Variants in SHANK2 observed in about 807,000 individuals in gnomAD.
The protein encoded by SHANK2 is SH3 and multiple ankyrin repeat domains 2, also known as SH3 and multiple ankyrin repeat domains protein 2.
In SHANK2, 43 loss-of-function variants were observed where a neutral mutation model predicts 133.7. The observed-to-expected ratio is 0.32, with a 90% CI of 0.25 to 0.41. SHANK2 has a LOEUF of 0.41. Among genes scored for constraint, SHANK2 ranks in the 10% least tolerant of loss-of-function variants. The pLI is 1.00. For missense variants in SHANK2, 1,994 were observed against 2,235.8 expected (o/e 0.89, Z 2.18); for synonymous variants, 1,017 against 952.8 (o/e 1.07, Z -1.24).
chr11:70,751,964 C>T (rs541096742), intron 14 of SHANK2, among the ~76,000 whole-genome samples: 3 of 151,636 alleles, frequency 2.0e-5, no homozygotes, highest in East Asian at 1.9e-4. Context: ...TAGAGAATAA[C>T]GTGCAAAGGA....
chr11:71,197,827 C>T (rs534452695), intron 2 of SHANK2, among the ~76,000 whole-genome samples: 2 of 152,236 alleles, frequency 1.3e-5, no homozygotes, highest in East Asian at 1.9e-4. Context: ...GTTGATTAAC[C>T]GAAAGGCCAT....
At position 70,721,075 on chromosome 11, in the gene SHANK2, C is replaced by T. The variant is rs559049480; in HGVS notation, c.1778-22312G>A. Among the ~76,000 whole-genome samples, 17 of 152,342 alleles carry T rather than the reference C, an allele frequency of 1.1e-4. 1 individual carries two copies. In the South Asian group the frequency reaches 2.5e-3, roughly 22 times the overall value. On this transcript the variant is annotated intron_variant, in intron 14 of 25. Coordinates refer to ENST00000601538, the MANE Select transcript of SHANK2 (RefSeq NM_012309.5). The stretch of plus-strand genomic sequence containing the variant: ...GCCTGAGGTGAGATCCCTGACTGAC[C>T]GGCAGTCCGGGCACCTTCTCTCTGT...
At chr11:71,178,203 G>A (rs1461426931) in intron 2 of SHANK2, among the ~76,000 whole-genome samples, 3 of 152,226 alleles carry the variant, frequency 2.0e-5, no homozygotes, top group Admixed American at 6.5e-5. Flanking sequence ...ACTGATGAAT[G>A]AATAAATAGA....
intron 17 of SHANK2, among the ~76,000 whole-genome samples, chr11:70,582,499 C>T (rs2136228897): frequency 6.6e-6 from 1 of 152,342 alleles, no homozygotes; most frequent in South Asian, 2.1e-4. Flanking sequence ...ATAGAGGCGG[C>T]AGGCAGCAGA....
At chr11:70,923,010 T>C (rs1950372429) in intron 10 of SHANK2, among the ~76,000 whole-genome samples, 1 of 152,160 alleles carries the variant, frequency 6.6e-6, no homozygotes, top group African/African-American at 2.4e-5. Context: ...TTAAAGTACC[T>C]ATTATATTAC....
chr11:70,898,823 G>A (rs970104569), intron 10 of SHANK2, among the ~76,000 whole-genome samples: 5 of 152,150 alleles, frequency 3.3e-5, no homozygotes, highest in East Asian at 3.8e-4. Flanking sequence ...GCAACAAAAC[G>A]AACACTGAGG....
At chr11:71,149,073 G>A (rs150773154) in intron 2 of SHANK2, among the ~76,000 whole-genome samples, 3,122 of 152,272 alleles carry the variant, frequency 0.021, 60 homozygotes, top group Middle Eastern at 0.037. Flanking sequence ...GATGTTTGCC[G>A]TATTATTCTC....
chr11:70,664,293 G>A (rs933137849), intron 15 of SHANK2, among the ~76,000 whole-genome samples: 1 of 152,076 alleles, frequency 6.6e-6, no homozygotes, highest in Admixed American at 6.5e-5. Flanking sequence ...AGCCCACCCC[G>A]GCCCCATGGC....
At chr11:71,203,276 C>T (rs1954058054) in intron 2 of SHANK2, among the ~76,000 whole-genome samples, 1 of 152,198 alleles carries the variant, frequency 6.6e-6, no homozygotes, top group Non-Finnish European at 1.5e-5. Flanking sequence ...ACAAGTCAAT[C>T]TCCCACATGC....
chr11:70,711,634 G>A (rs1196225257), intron 14 of SHANK2, among the ~76,000 whole-genome samples: 1 of 152,004 alleles, frequency 6.6e-6, no homozygotes, highest in Non-Finnish European at 1.5e-5. Flanking sequence ...CCCAGTCTCT[G>A]CTCTGGCAAG....
intron 15 of SHANK2, among the ~76,000 whole-genome samples, chr11:70,690,058 A>C (rs1367214620): frequency 1.3e-5 from 2 of 152,182 alleles, no homozygotes; most frequent in Non-Finnish European, 2.9e-5. Flanking sequence ...CTGACAGAAT[A>C]AGGGCAAAGA....
rs559197512 is a variant in SHANK2, at chr11:70,650,616, C to T, written c.2061+9212G>A. On this transcript the variant is annotated intron_variant, in intron 17 of 25. Coordinates refer to ENST00000601538, the MANE Select transcript of SHANK2 (RefSeq NM_012309.5). ...CAACCCAGGCCCCCACTAGACCAGC[C>T]GGTCATGCCCAGCTTCATAGCATCT... Among the ~76,000 whole-genome samples the T allele has an allele frequency of 8.9e-4, 136 of 152,302 alleles. 1 individual carries two copies. Among genetic ancestry groups the T allele is most frequent in the Middle Eastern group, 3.4e-3 (1 of 294 alleles).
intron 2 of SHANK2, among the ~76,000 whole-genome samples, chr11:71,157,972 C>G (rs551401655): frequency 2.2e-4 from 34 of 152,170 alleles, no homozygotes; most frequent in Non-Finnish European, 4.6e-4. Context: ...CCAGCAGGAA[C>G]AAGAGGCCCA....
rs374094090 is a variant in SHANK2, at chr11:70,859,426, A to G, written c.1174+37075T>C. Among the ~76,000 whole-genome samples, 8 of 152,096 alleles carry G rather than the reference A, an allele frequency of 5.3e-5. No homozygotes were observed. In the East Asian group the frequency reaches 1.5e-3, roughly 29 times the overall value. On this transcript the variant is annotated intron_variant, in intron 11 of 25. Coordinates refer to ENST00000601538, the MANE Select transcript of SHANK2 (RefSeq NM_012309.5). Reference sequence around the variant, plus strand: ...GGTGGGTGGACAGATGGATCGATAGATGGATAAGCGTGTGGGTGGATGGAT... The same window carrying G: ...GGTGGGTGGACAGATGGATCGATAGGTGGATAAGCGTGTGGGTGGATGGAT...
chr11:70,821,296 G>A (rs1051788068), intron 11 of SHANK2, among the ~76,000 whole-genome samples: 1 of 152,188 alleles, frequency 6.6e-6, no homozygotes, highest in African/African-American at 2.4e-5. Flanking sequence ...ATGACCCCGT[G>A]AGGACACAGG....
At chr11:71,186,328 T>C (rs1953671314) in intron 2 of SHANK2, among the ~76,000 whole-genome samples, 1 of 152,190 alleles carries the variant, frequency 6.6e-6, no homozygotes, top group Non-Finnish European at 1.5e-5. Context: ...ACAAATGCCG[T>C]CTGGCATGGA....
At chr11:70,932,287 T>C (rs373341841) in intron 10 of SHANK2, among the ~76,000 whole-genome samples, 1 of 152,252 alleles carries the variant, frequency 6.6e-6, no homozygotes, top group South Asian at 2.1e-4. Context: ...AATTTCCAGA[T>C]GCACTCATTT....
intron 25 of SHANK2, among the ~76,000 whole-genome samples, chr11:70,478,284 T>G (rs1555150631): frequency 1.3e-5 from 2 of 152,086 alleles, no homozygotes; most frequent in Non-Finnish European, 2.9e-5. Context: ...TAGAGTAATC[T>G]GCTCTTTAAC....
At chr11:70,656,068 G>C (rs1031727574) in intron 17 of SHANK2, among the ~76,000 whole-genome samples, 1 of 152,090 alleles carries the variant, frequency 6.6e-6, no homozygotes, top group Non-Finnish European at 1.5e-5. Flanking sequence ...ATGCACTACC[G>C]TCATCCAGGA....
Sources: allele counts gnomAD v4.1 joint callset (sites outside exome capture counted in the v4.1 genomes callset), GRCh38; gene constraint gnomAD v4.1.1; transcripts MANE v1.5; gene names NCBI Gene and HGNC (gene_info 2026-07-23, HGNC 2026-07-21).